PIK3R4: variants seen among roughly 807,000 people sequenced by gnomAD.
PIK3R4 encodes phosphoinositide-3-kinase regulatory subunit 4.
A neutral mutation model predicts 136.5 loss-of-function variants in PIK3R4; 46 were observed. The observed-to-expected ratio is 0.34, with a 90% CI of 0.27 to 0.43. PIK3R4 has a LOEUF of 0.43. Among genes scored for constraint, PIK3R4 ranks in the 20% least tolerant of loss-of-function variants. The pLI is 1.00. For missense variants in PIK3R4, 1,331 were observed against 1,649.5 expected (o/e 0.81, Z 3.35); for synonymous variants, 557 against 566.7 (o/e 0.98, Z 0.24).
rs1283418189 is a variant in PIK3R4, at chr3:130,690,727, A to G, written c.3099-73T>C. 29 of 859,840 alleles carry G rather than the reference A, an allele frequency of 3.4e-5. 1 individual carries two copies. The South Asian group carries it at 5.3e-4, about 16-fold the overall frequency. The allele number at this position is 859,840 out of a possible 1,614,324, so 53.3% of individuals were successfully genotyped here. On this transcript the variant is annotated intron_variant, in intron 13 of 19. Coordinates refer to ENST00000356763, the MANE Select transcript of PIK3R4 (RefSeq NM_014602.3). ...AATGTTAAATATCCACATGGCCATT[A>G]GCAAGCAAAATTATTACTTTGGGGT...
intron 9 of PIK3R4, 96 bp downstream of exon 9, chr3:130,716,300 C>A (rs1481987305): frequency 1.1e-6 from 1 of 944,840 alleles, no homozygotes; most frequent in African/African-American, 1.6e-5. Flanking sequence ...ATGATGTAAT[C>A]TAATCAATCA....
chr3:130,745,420 A>C (rs1037286852), intron 1 of PIK3R4, among the ~76,000 whole-genome samples, 156 bp from the exon 2 acceptor site: 1 of 152,106 alleles, frequency 6.6e-6, no homozygotes, highest in East Asian at 1.9e-4. Context: ...CAGCCTCTAA[A>C]TTTCACACAC....
chr3:130,729,101 G>C (rs1011934614), intron 5 of PIK3R4, among the ~76,000 whole-genome samples: 1 of 152,112 alleles, frequency 6.6e-6, no homozygotes, highest in Non-Finnish European at 1.5e-5. Flanking sequence ...TGTTTTTAAA[G>C]GTCAGTTTAT....
intron 4 of PIK3R4, among the ~76,000 whole-genome samples, chr3:130,733,339 A>G (rs2066768533): frequency 1.3e-5 from 2 of 152,212 alleles, no homozygotes; most frequent in East Asian, 1.9e-4. Context: ...CCATCACTTG[A>G]TAATTCTGAT....
intron 14 of PIK3R4, among the ~76,000 whole-genome samples, chr3:130,689,034 A>G (rs2066502684): frequency 6.6e-6 from 1 of 152,226 alleles, no homozygotes; most frequent in African/African-American, 2.4e-5. Flanking sequence ...GCCAACTAAA[A>G]TGTAAAATGG....
chr3:130,719,079 AC>A (rs1313221387), intron 7 of PIK3R4, among the ~76,000 whole-genome samples: 1 of 152,220 alleles, frequency 6.6e-6, no homozygotes, highest in Non-Finnish European at 1.5e-5. Flanking sequence ...TATATAACTC[AC>A]AGTTACTTTC....
At chr3:130,719,995 G>A (rs2066689819) in intron 7 of PIK3R4, among the ~76,000 whole-genome samples, 1 of 152,126 alleles carries the variant, frequency 6.6e-6, no homozygotes, top group African/African-American at 2.4e-5. Flanking sequence ...TGGAGATGCA[G>A]AACCTGAAGC....
intron 6 of PIK3R4, among the ~76,000 whole-genome samples, chr3:130,728,025 C>T (rs1260143674): frequency 6.6e-6 from 1 of 152,038 alleles, no homozygotes; most frequent in Admixed American, 6.5e-5. Context: ...CATTGATTTT[C>T]AACCATGATT....
chr3:130,696,667 T>C (rs1285512340), intron 13 of PIK3R4, among the ~76,000 whole-genome samples: 1 of 152,212 alleles, frequency 6.6e-6, no homozygotes, highest in South Asian at 2.1e-4. Context: ...TGACCTAATA[T>C]ATGGTTAAAT....
rs1370538438 is a variant in PIK3R4 at position 130,728,537 on chromosome 3, A to C, written c.1733T>G (p.Leu578Trp). ...FGRQKANDVLLSHMITFLNDK... is the reference protein window; with the variant it reads ...FGRQKANDVLWSHMITFLNDK... ...ATTTAGGAAAGTAATCATGTGGGAC[A>C]ACAAAACATCGTTGGCTTTCTGACG... The change falls in exon 6 of 20, where the codon TTG becomes TGG. Residue 578 changes from leucine (L) to tryptophan (W), a missense_variant. Around this residue, in one of 2 missense-constraint regions of PIK3R4, gnomAD observed 1,180 missense variants for 1,407.0 expected, o/e 0.84. Coordinates refer to ENST00000356763, the MANE Select transcript of PIK3R4 (RefSeq NM_014602.3). 6.2e-7 allele frequency: 1 copy of C among 1,613,928 alleles called. No homozygotes were observed. The highest frequency in any genetic ancestry group is 8.5e-7 in the Non-Finnish European group (1 of 1,179,886).
At chr3:130,705,828 CAG>C in intron 11 of PIK3R4, 57 bp from the exon 12 acceptor site, 1 of 1,036,142 alleles carries the variant, frequency 9.7e-7, no homozygotes, top group Non-Finnish European at 1.5e-6. Context: ...TATTTGAAGA[CAG>C]AAGTGTATGC....
Position 130,689,323 on chromosome 3 carries a change from CAG to C in PIK3R4, c.3263+1165_3263+1166del, listed in dbSNP as rs568367962. ...TGTCTGCGTGTAGGGCCTGTGGGCTCAGTCATCACACAGTGCACTATGCCAAG... is the reference window on the plus strand; with the variant it reads ...TGTCTGCGTGTAGGGCCTGTGGGCTCTCATCACACAGTGCACTATGCCAAG... On this transcript the variant is annotated intron_variant, in intron 14 of 19. Transcript: ENST00000356763. Among the ~76,000 whole-genome samples the C allele has an allele frequency of 2.8e-3, 422 of 152,178 alleles. 2 individuals are homozygous for C. The highest frequency in any genetic ancestry group is 9.8e-3 in the African/African-American group (407 of 41,506).
At position 130,708,414 on chromosome 3, in the gene PIK3R4, T is replaced by C. The variant is rs752338959; in HGVS notation, c.2410A>G (p.Ile804Val). 10 of 1,613,682 alleles carry C rather than the reference T, an allele frequency of 6.2e-6. No individual in the cohort carries two copies. The highest frequency in any genetic ancestry group is 7.6e-6 in the Non-Finnish European group (9 of 1,179,740). The change falls in exon 10 of 20, where the codon ATA (isoleucine) becomes GTA (valine). Residue 804 changes from isoleucine (I) to valine (V), a missense_variant. Around this residue, in one of 2 missense-constraint regions of PIK3R4, gnomAD observed 1,180 missense variants for 1,407.0 expected, o/e 0.84. Transcript: ENST00000356763. ...MMKSNKAKANIVDQSHLHDSS... is the reference protein window; with the variant it reads ...MMKSNKAKANVVDQSHLHDSS... ...TCATGAAGATGGCTCTGGTCCACTA[T>C]ATTGGCCTTTGCTTTATTAGATTTC... is the stretch of plus-strand genomic sequence containing the variant.
In PIK3R4 at chr3:130,723,382, T is replaced by C. The variant is rs78149031; in HGVS notation, c.1981+32A>G. 6.5e-4 allele frequency: 1,018 copies of C among 1,565,318 alleles called. 9 individuals carry two copies. The African/African-American group carries it at 0.013, about 19-fold the overall frequency. On this transcript the variant is annotated intron_variant, in intron 7 of 19. Transcript: ENST00000356763. ...TAGAAATTTTATAAAGTTCTTCCAA[T>C]CTCATTCTAATTTTGAGAAACAGAA...
intron 15 of PIK3R4, among the ~76,000 whole-genome samples, chr3:130,685,896 T>C (rs573975622): frequency 6.6e-6 from 1 of 152,266 alleles, no homozygotes; most frequent in South Asian, 2.1e-4. Context: ...TTTCCTTAAG[T>C]CTGCTGCTTC....
chr3:130,720,377 T>C (rs2107614236), intron 7 of PIK3R4, among the ~76,000 whole-genome samples: 1 of 152,286 alleles, frequency 6.6e-6, no homozygotes, highest in Non-Finnish European at 1.5e-5. Flanking sequence ...GTATTTTTAG[T>C]AGAGACGGAG....
chr3:130,685,073 G>T (rs1026058149), intron 15 of PIK3R4, among the ~76,000 whole-genome samples: 2 of 152,104 alleles, frequency 1.3e-5, no homozygotes. Context: ...AAAAGAATAA[G>T]GTGGTAGTTT....
Position 130,679,129 on chromosome 3 carries a change from T to C in PIK3R4, c.*186A>G, listed in dbSNP as rs945809091. 1 of 362,124 alleles carries C rather than the reference T, an allele frequency of 2.8e-6. No individual in the cohort carries two copies. Among genetic ancestry groups the C allele is most frequent in the African/African-American group, 2.1e-5 (1 of 47,624 alleles). The allele number at this position is 362,124 out of a possible 1,614,324, so 22.4% of individuals were successfully genotyped here. On this transcript the variant is annotated 3_prime_UTR_variant, in exon 20 of 20. Coordinates refer to ENST00000356763, the MANE Select transcript of PIK3R4 (RefSeq NM_014602.3). ...TGGCTGGCTGATTCTTGCAAAGAGA[T>C]GCATAAGTAAACTAGTCAAGTACAT...
At chr3:130,688,169 C>A (rs1336595823) in intron 14 of PIK3R4, among the ~76,000 whole-genome samples, 4 of 152,148 alleles carry the variant, frequency 2.6e-5, no homozygotes, top group East Asian at 3.8e-4. Flanking sequence ...ATCTGTAATA[C>A]CTTTCTCTAA....
Sources: gnomAD v4.1 joint callset for allele counts (sites outside exome capture counted in the v4.1 genomes callset) on GRCh38, gnomAD v4.1.1 for gene constraint, gnomAD v4.1.1 regional missense constraint, MANE v1.5 for transcripts, NCBI Gene and HGNC (gene_info 2026-07-23, HGNC 2026-07-21) for gene names.